PDIA6: variants seen among roughly 807,000 people sequenced by gnomAD.
PDIA6 encodes protein disulfide isomerase family A member 6.
In PDIA6, 29 loss-of-function variants were observed where a neutral mutation model predicts 58.4. The ratio of observed to expected loss-of-function variants is 0.50; its 90% CI spans 0.37 to 0.68. The LOEUF is 0.68. Ranked by LOEUF, PDIA6 falls within the 30% of genes least tolerant of loss-of-function variation. The pLI, the probability that PDIA6 is intolerant of heterozygous loss-of-function variation, is 0.00. For synonymous variants in PDIA6, 192 were observed against 202.6 expected (o/e 0.95, Z 0.44); for missense variants, 480 against 551.0 (o/e 0.87, Z 1.29).
intron 1 of PDIA6, among the ~76,000 whole-genome samples, chr2:10,819,523 C>T (rs1279783157): frequency 6.6e-6 from 1 of 152,204 alleles, no homozygotes; most frequent in African/African-American, 2.4e-5. Flanking sequence ...TGAAAAAGCA[C>T]AGACTGTTAT....
upstream of PDIA6, chr2:10,812,891 C>T (rs1013329428): frequency 1.9e-5 from 22 of 1,131,314 alleles, no homozygotes; most frequent in East Asian, 2.1e-4. Flanking sequence ...ACATCGCTCA[C>T]TCACATATCC....
upstream of PDIA6, among the ~76,000 whole-genome samples, chr2:10,813,606 A>T (rs946323107): frequency 1.3e-5 from 2 of 151,884 alleles, no homozygotes; most frequent in African/African-American, 4.8e-5. Context: ...GATCACAGGC[A>T]TGGGCCACCA....
rs748427014 is a variant in PDIA6, at chr2:10,812,725, A to ACCG, written c.-32_-30dup. The ACCG allele has an allele frequency of 6.7e-6, 10 of 1,493,758 alleles. No homozygotes were observed. Among genetic ancestry groups the ACCG allele is most frequent in the Admixed American group, 6.4e-5 (3 of 47,154 alleles). 92.5% of individuals were successfully genotyped at this position (1,493,758 alleles called of 1,614,324 possible). On this transcript the variant is annotated 5_prime_UTR_variant, in exon 1 of 13. Coordinates refer to ENST00000272227, the MANE Select transcript of PDIA6 (RefSeq NM_005742.4). ...GAGCGCCGGGCTACGTGCAGTCCCC[A>ACCG]CCGCCGCCGCCGCTTCAGCCCTGCA...
At chr2:10,810,461 A>G in intron 1 of PDIA6, 1 of 1,346,328 alleles carries the variant, frequency 7.4e-7, no homozygotes, top group South Asian at 2.2e-5. Context: ...CACCTTAGGA[A>G]TGTCCTTCCC....
At chr2:10,822,079 G>A (rs59737886) in intron 1 of PDIA6, among the ~76,000 whole-genome samples, 39,161 of 150,208 alleles carry the variant, frequency 0.26, 5,339 homozygotes, top group African/African-American at 0.28. Context: ...AGCTGGGACT[G>A]CAAGCATGCA....
In PDIA6 at chr2:10,791,786, G is replaced by A. The variant is rs1248550907; in HGVS notation, c.584+9C>T. ...TGAATGAACAGACTACTTAGTAGAA[G>A]GCACTTACTTTTTGCAGTGTCCACA... is the stretch of plus-strand genomic sequence containing the variant. On this transcript the variant is annotated intron_variant, in intron 6 of 12. Transcript: ENST00000272227. The A allele has an allele frequency of 6.2e-7, 1 of 1,611,512 alleles. No homozygotes were observed. The highest frequency in any genetic ancestry group is 1.3e-5 in the African/African-American group (1 of 74,864).
intron 1 of PDIA6, among the ~76,000 whole-genome samples, chr2:10,824,496 G>T (rs1330848809): frequency 6.6e-6 from 1 of 152,246 alleles, no homozygotes; most frequent in Non-Finnish European, 1.5e-5. Context: ...AAGCCAAGTG[G>T]CCAGTGGCAT....
rs193003648 is a variant in PDIA6, at chr2:10,794,360, C to G, written c.347-1158G>C. 2.5e-3 allele frequency among the ~76,000 whole-genome samples: 372 copies of G among 150,232 alleles called. 1 individual carries two copies. The Middle Eastern group carries it at 0.028, about 11-fold the overall frequency. On this transcript the variant is annotated intron_variant, in intron 4 of 12. Transcript: ENST00000272227. Reference sequence around the variant, plus strand: ...ACTCAGGAGGCTGAGGCAGGAGAATCACCTGAACCCAGGAGACGGAGGCTG... The same window carrying G: ...ACTCAGGAGGCTGAGGCAGGAGAATGACCTGAACCCAGGAGACGGAGGCTG...
At chr2:10,808,460 A>T (rs12617247) in intron 1 of PDIA6, among the ~76,000 whole-genome samples, 10,581 of 152,306 alleles carry the variant, frequency 0.069, 571 homozygotes, top group South Asian at 0.13. Flanking sequence ...GAGGCAGGCA[A>T]ATGTAGAAAA....
intron 10 of PDIA6, 49 bp downstream of exon 10, chr2:10,788,648 T>G (rs1558439074): frequency 8.2e-7 from 1 of 1,223,510 alleles, no homozygotes; most frequent in Admixed American, 1.7e-5. Flanking sequence ...CAAGAAAGCC[T>G]ATAATCAGCT....
chr2:10,794,486 T>A (rs1384559690), intron 4 of PDIA6, among the ~76,000 whole-genome samples: 2 of 116,476 alleles, frequency 1.7e-5, no homozygotes, highest in East Asian at 5.0e-4. Flanking sequence ...TTTTTTTTTT[T>A]TTTAGAGTTT....
chr2:10,824,580 T>C (rs768350282), intron 1 of PDIA6, among the ~76,000 whole-genome samples: 3 of 152,154 alleles, frequency 2.0e-5, no homozygotes, highest in Non-Finnish European at 4.4e-5. Context: ...TGGACTTTGG[T>C]CAATGGCTAG....
chr2:10,786,325 G>GA (rs11381572), intron 11 of PDIA6, among the ~76,000 whole-genome samples: 51,329 of 151,096 alleles, frequency 0.34, 10,007 homozygotes, highest in African/African-American at 0.53. Context: ...GGGTGGGGGG[G>GA]AAAGAAAACA....
intron 4 of PDIA6, among the ~76,000 whole-genome samples, 158 bp from the exon 5 acceptor site, chr2:10,793,360 A>G (rs979990607): frequency 3.3e-5 from 5 of 152,038 alleles, no homozygotes; most frequent in African/African-American, 1.2e-4. Context: ...TCTCCCCACA[A>G]TGCATTTTGC....
At position 10,809,052 on chromosome 2, in the gene PDIA6, G is replaced by A. The variant is rs534744809; in HGVS notation, c.19+3626C>T. Among the ~76,000 whole-genome samples, 199 of 152,124 alleles carry A rather than the reference G, an allele frequency of 1.3e-3. 1 individual carries two copies. Among genetic ancestry groups the A allele is most frequent in the African/African-American group, 4.6e-3 (191 of 41,506 alleles). The stretch of plus-strand genomic sequence containing the variant: ...TTGAACTCCTGACCTCAGGTGATCC[G>A]CCCACCTTGGCCTCCCAAAGTGCGA... On this transcript the variant is annotated intron_variant, in intron 1 of 12. Transcript: ENST00000272227.
chr2:10,814,416 G>A (rs182694980), upstream of PDIA6, among the ~76,000 whole-genome samples: 39 of 152,294 alleles, frequency 2.6e-4, no homozygotes, highest in African/African-American at 8.9e-4. Context: ...AGGTGCGTGG[G>A]AAGCCCAACC....
In PDIA6 at chr2:10,784,811, G is replaced by A. The variant is rs1665626027; in HGVS notation, c.1254+123C>T. 3 of 669,518 alleles carry A rather than the reference G, an allele frequency of 4.5e-6. No individual in the cohort carries two copies. The South Asian group carries it at 5.6e-5, about 13-fold the overall frequency. 41.5% of individuals were successfully genotyped at this position (669,518 alleles called of 1,614,324 possible). On this transcript the variant is annotated intron_variant, in intron 12 of 12. Transcript: ENST00000272227. The stretch of plus-strand genomic sequence containing the variant: ...GTCTTCAGAGAAGAACCTCTTAAAA[G>A]GCCCACGGGTGCACCAGGGCTGAGG...
chr2:10,798,831 T>C (rs1245026742), intron 2 of PDIA6, among the ~76,000 whole-genome samples: 1 of 152,214 alleles, frequency 6.6e-6, no homozygotes, highest in Non-Finnish European at 1.5e-5. Flanking sequence ...CTAGTCCAAC[T>C]TTTTAATTTT....
intron 2 of PDIA6, among the ~76,000 whole-genome samples, chr2:10,799,978 G>C (rs1387122369): frequency 6.6e-6 from 1 of 150,938 alleles, no homozygotes; most frequent in East Asian, 1.9e-4. Context: ...AGGGGAGGGA[G>C]TCTATGAATT....
Sources: gnomAD v4.1 joint callset for allele counts (sites outside exome capture counted in the v4.1 genomes callset) on GRCh38, gnomAD v4.1.1 for gene constraint, MANE v1.5 for transcripts, NCBI Gene and HGNC (gene_info 2026-07-23, HGNC 2026-07-21) for gene names.